SRC: variants seen among roughly 807,000 people sequenced by gnomAD.
SRC encodes proto-oncogene tyrosine-protein kinase Src.
In SRC, 13 loss-of-function variants were observed where a neutral mutation model predicts 62.9. The ratio of observed to expected loss-of-function variants is 0.21; its 90% CI spans 0.13 to 0.33. SRC has a LOEUF of 0.33. Ranked by LOEUF, SRC falls within the 10% of genes least tolerant of loss-of-function variation. The pLI, the probability that SRC is intolerant of heterozygous loss-of-function variation, is 1.00. For synonymous variants in SRC, 302 were observed against 317.5 expected (o/e 0.95, Z 0.52); for missense variants, 457 against 737.3 (o/e 0.62, Z 4.40).
rs2070494833 is a variant in SRC, at chr20:37,388,756, A to T, written c.350+2582A>T. On this transcript the variant is annotated intron_variant, in intron 5 of 13. Transcript: ENST00000373578. Reference sequence around the variant, plus strand: ...AGCAAGACTCTGTCTCAAAAAAAAGAAGTGAAGGAGGGAGGTGTAGGTGGG... The same window carrying T: ...AGCAAGACTCTGTCTCAAAAAAAAGTAGTGAAGGAGGGAGGTGTAGGTGGG... 2.0e-5 allele frequency among the ~76,000 whole-genome samples: 3 copies of T among 147,802 alleles called. No individual in the cohort carries two copies. In the South Asian group the frequency reaches 6.9e-4, roughly 34 times the overall value.
At chr20:37,360,844 G>A (rs2069957896) in intron 1 of SRC, among the ~76,000 whole-genome samples, 1 of 152,220 alleles carries the variant, frequency 6.6e-6, no homozygotes. Flanking sequence ...ACAGTCCTTT[G>A]AGGTAGATGA....
At chr20:37,347,056 T>C (rs1316153559) in intron 1 of SRC, among the ~76,000 whole-genome samples, 1 of 152,156 alleles carries the variant, frequency 6.6e-6, no homozygotes, top group East Asian at 1.9e-4. Flanking sequence ...CTGGCTGGAA[T>C]TGCTAGGCTG....
At chr20:37,385,845 C>T (rs2070446585) in intron 4 of SRC, among the ~76,000 whole-genome samples, 2 of 152,242 alleles carry the variant, frequency 1.3e-5, no homozygotes, top group African/African-American at 2.4e-5. Context: ...CGGGGACGGA[C>T]GCGGACAGGA....
At chr20:37,363,600 A>G (rs2070011490) in intron 1 of SRC, among the ~76,000 whole-genome samples, 2 of 152,098 alleles carry the variant, frequency 1.3e-5, no homozygotes, top group African/African-American at 4.8e-5. Context: ...GGCTGCTGGG[A>G]ACATTGGAGG....
rs749316913 is a variant in SRC at position 37,384,273 on chromosome 20, G to A, written c.120G>A (p.Lys40=). 1.3e-6 allele frequency: 2 copies of A among 1,529,828 alleles called. No homozygotes were observed. Among genetic ancestry groups the A allele is most frequent in the Non-Finnish European group, 8.7e-7 (1 of 1,149,164 alleles). 94.8% of individuals were successfully genotyped at this position (1,529,828 alleles called of 1,614,324 possible). ...GAFPASQTPS[K]PASADGHRGP... ...TCCCCGCCTCGCAGACCCCCAGCAA[G>A]CCAGCCTCGGCCGACGGCCACCGCG... The change falls in exon 4 of 14, where the codon AAG becomes AAA. Residue 40 remains lysine, a synonymous_variant. Transcript: ENST00000373578. This position sits in a 1 kb window ranked among gnomAD's most constrained non-coding sequence, Gnocchi z 6.7.
chr20:37,348,075 C>T lies in SRC; in HGVS notation c.-247+1820C>T, dbSNP rs78209746. 3.4e-3 allele frequency among the ~76,000 whole-genome samples: 521 copies of T among 152,284 alleles called. 3 individuals carry two copies. The highest frequency in any genetic ancestry group is 0.011 in the African/African-American group (471 of 41,544). On this transcript the variant is annotated intron_variant, in intron 1 of 13. Transcript: ENST00000373578. ...CTGACTGCCTGCCTAGGCCCTCCCGCGTGCCCCTGGGCCTTTGCTCCTAAA... is the reference window on the plus strand; with the variant it reads ...CTGACTGCCTGCCTAGGCCCTCCCGTGTGCCCCTGGGCCTTTGCTCCTAAA...
intron 5 of SRC, among the ~76,000 whole-genome samples, chr20:37,392,908 C>G (rs1054092775): frequency 5.3e-5 from 8 of 152,144 alleles, no homozygotes; most frequent in African/African-American, 1.9e-4. Context: ...CTCACCACCC[C>G]CATCTCTGCC....
chr20:37,400,423 T>G, intron 10 of SRC, 129 bp downstream of exon 10: 1 of 811,294 alleles, frequency 1.2e-6, no homozygotes, highest in Non-Finnish European at 1.8e-6. Context: ...AAATTCTCTG[T>G]TGCCTGGGCC....
chr20:37,353,349 A>G (rs2069835064), intron 1 of SRC, among the ~76,000 whole-genome samples: 1 of 152,090 alleles, frequency 6.6e-6, no homozygotes, highest in African/African-American at 2.4e-5. Context: ...TATTGTCAAA[A>G]GGAGGATTTG....
Position 37,402,462 on chromosome 20 carries a change from C to T in SRC, c.1144C>T (p.Arg382Trp), listed in dbSNP as rs764262104. The change falls in exon 12 of 14, where the codon CGG becomes TGG. Residue 382 changes from arginine to tryptophan, a missense_variant. Physicochemically the swap from Arg to Trp is moderately radical, Grantham distance 101. Coordinates refer to ENST00000373578, the MANE Select transcript of SRC (RefSeq NM_198291.3). The surrounding 1 kb of genome is among the most constrained non-coding windows in gnomAD (Gnocchi z 6.2). ...QIASGMAYVERMNYVHRDLRA... is the reference protein window; with the variant it reads ...QIASGMAYVEWMNYVHRDLRA... The stretch of plus-strand genomic sequence containing the variant: ...CGCCTCAGGCATGGCGTACGTGGAG[C>T]GGATGAACTACGTCCACCGGGACCT... The T allele has an allele frequency of 8.1e-6, 13 of 1,613,808 alleles. No homozygotes were observed. Among genetic ancestry groups the T allele is most frequent in the South Asian group, 2.2e-5 (2 of 91,062 alleles).
chr20:37,394,157 C>T lies in SRC; in HGVS notation c.450-17C>T, dbSNP rs200956951. ...AGCCTGGACAGTCAGCACCATCCTC[C>T]GTCCTCCCACCCCCAGGTGGTATTT... On this transcript the variant is annotated splice_polypyrimidine_tract_variant and intron_variant, in intron 6 of 13. Coordinates refer to ENST00000373578, the MANE Select transcript of SRC (RefSeq NM_198291.3). The T allele has an allele frequency of 1.0e-4, 161 of 1,608,886 alleles. No individual in the cohort carries two copies. In the East Asian group the frequency reaches 3.0e-3, roughly 30 times the overall value.
At chr20:37,401,819 G>A (rs1472882672) in intron 11 of SRC, 141 bp downstream of exon 11, 7 of 578,090 alleles carry the variant, frequency 1.2e-5, no homozygotes, top group Admixed American at 3.5e-5. Context: ...CTTGCCGCAC[G>A]TATTTACCAG....
intron 2 of SRC, among the ~76,000 whole-genome samples, chr20:37,369,821 T>A (rs2070132929): frequency 1.3e-5 from 2 of 151,932 alleles, no homozygotes; most frequent in African/African-American, 4.8e-5. Flanking sequence ...TTTTTTAAGA[T>A]GGGAGTCTCA....
intron 7 of SRC, among the ~76,000 whole-genome samples, chr20:37,395,244 C>T (rs140399861): frequency 3.3e-5 from 5 of 152,350 alleles, no homozygotes; most frequent in African/African-American, 1.2e-4. Context: ...CCTCTCTGGA[C>T]CTCATTTCTT....
chr20:37,370,732 C>T (rs555197496), intron 2 of SRC, among the ~76,000 whole-genome samples: 3 of 152,106 alleles, frequency 2.0e-5, no homozygotes, highest in Non-Finnish European at 4.4e-5. Context: ...AGTCATTGGT[C>T]TGTAATTTTC....
Position 37,396,529 on chromosome 20 carries a change from C to A in SRC, c.703+218C>A. 1.6e-6 allele frequency: 1 copy of A among 631,940 alleles called. No homozygotes were observed. The allele number at this position is 631,940 out of a possible 1,614,324, so 39.1% of individuals were successfully genotyped here. On this transcript the variant is annotated intron_variant, in intron 8 of 13. Transcript: ENST00000373578. The surrounding 1 kb of genome is among the most constrained non-coding windows in gnomAD (Gnocchi z 6.1). ...CCCAGCCCCCCTCCTCCCTGTCCCC[C>A]TCTCTCCCTGCTCCACGCAGTGTCC... is the stretch of plus-strand genomic sequence containing the variant.
chr20:37,383,191 G>A (rs749589741), intron 3 of SRC, among the ~76,000 whole-genome samples: 3 of 152,188 alleles, frequency 2.0e-5, no homozygotes, highest in Non-Finnish European at 4.4e-5. Flanking sequence ...CAAGTCAGGG[G>A]GACCCAGTGA....
chr20:37,353,887 G>T (rs2069842903), intron 1 of SRC, among the ~76,000 whole-genome samples: 1 of 152,214 alleles, frequency 6.6e-6, no homozygotes, highest in Non-Finnish European at 1.5e-5. Context: ...CACTAGCTGT[G>T]TGGCTTTGGT....
intron 4 of SRC, among the ~76,000 whole-genome samples, 199 bp from the exon 5 acceptor site, chr20:37,385,876 A>G (rs573763029): frequency 6.6e-6 from 1 of 152,352 alleles, no homozygotes; most frequent in East Asian, 1.9e-4. Context: ...CCGCTCCCAC[A>G]CGCCCTTGCA....
Sources: allele counts gnomAD v4.1 joint callset (sites outside exome capture counted in the v4.1 genomes callset), GRCh38; gene constraint gnomAD v4.1.1; non-coding constraint Gnocchi (gnomAD v3.1); transcripts MANE v1.5; gene names NCBI Gene and HGNC (gene_info 2026-07-23, HGNC 2026-07-21).